NLGN1: variants seen among roughly 807,000 people sequenced by gnomAD.
NLGN1 encodes the protein neuroligin-1.
A neutral mutation model predicts 65.5 loss-of-function variants in NLGN1; 12 were observed. The observed-to-expected ratio is 0.18, with a 90% CI of 0.12 to 0.30. The LOEUF is 0.30. NLGN1 is among the 10% of genes least tolerant of loss of function. NLGN1 has a pLI of 1.00. For synonymous variants in NLGN1, 350 were observed against 359.5 expected (o/e 0.97, Z 0.30); for missense variants, 750 against 1,007.1 (o/e 0.74, Z 3.46).
At chr3:173,548,911 G>A (rs1321089648) in intron 2 of NLGN1, among the ~76,000 whole-genome samples, 5 of 151,850 alleles carry the variant, frequency 3.3e-5, no homozygotes, top group African/African-American at 1.2e-4. Flanking sequence ...AATAACTCAA[G>A]TATCTGGCCA....
intron 4 of NLGN1, among the ~76,000 whole-genome samples, chr3:173,909,860 T>C (rs1442461941): frequency 1.3e-5 from 2 of 152,100 alleles, no homozygotes; most frequent in Admixed American, 1.3e-4. Context: ...GTATTTTCAG[T>C]AGAGACGGGG....
At chr3:173,627,444 A>G (rs116076338) in intron 3 of NLGN1, among the ~76,000 whole-genome samples, 1,631 of 152,138 alleles carry the variant, frequency 0.011, 35 homozygotes, top group African/African-American at 0.037. Context: ...GTGTTTCTCA[A>G]TGCACACTTA....
At chr3:173,560,866 A>C (rs1577279329) in intron 2 of NLGN1, among the ~76,000 whole-genome samples, 1 of 152,208 alleles carries the variant, frequency 6.6e-6, no homozygotes, top group Non-Finnish European at 1.5e-5. Flanking sequence ...ACATATCTAT[A>C]TCTTTCTTTC....
chr3:173,579,824 TTAA>T (rs1401692336), intron 2 of NLGN1, among the ~76,000 whole-genome samples: 2 of 152,224 alleles, frequency 1.3e-5, no homozygotes, highest in Non-Finnish European at 2.9e-5. Flanking sequence ...TCTTGAGCAC[TTAA>T]TATGAGGTTA....
At chr3:174,068,315 C>A (rs1329309857) in intron 4 of NLGN1, among the ~76,000 whole-genome samples, 12 of 152,118 alleles carry the variant, frequency 7.9e-5, no homozygotes, top group Admixed American at 7.9e-4. Flanking sequence ...TCCCTTCCAG[C>A]CTGCAACCGT....
In NLGN1 at chr3:174,206,637, T is replaced by C. The variant is rs1735483341; in HGVS notation, c.647-68678T>C. Among the ~76,000 whole-genome samples the C allele has an allele frequency of 1.3e-5, 2 of 152,212 alleles. 1 individual carries two copies. The highest frequency in any genetic ancestry group is 1.3e-4 in the Admixed American group (2 of 15,282). ...GTTACCTCTCAGAGTCTCCCTCGGCTTGCTTTTCAGCTACCGGTAAAATAA... is the reference window on the plus strand; with the variant it reads ...GTTACCTCTCAGAGTCTCCCTCGGCCTGCTTTTCAGCTACCGGTAAAATAA... On this transcript the variant is annotated intron_variant, in intron 4 of 6. Transcript: ENST00000457714.
chr3:173,870,157 C>CATAATTATACATTATACATAATA lies in NLGN1; in HGVS notation c.646+62327_646+62328insAATTATACATTATACATAATAAT, dbSNP rs779141991. 2.0e-5 allele frequency among the ~76,000 whole-genome samples: 3 copies of CATAATTATACATTATACATAATA among 152,286 alleles called. No individual in the cohort carries two copies. In the Middle Eastern group the frequency reaches 0.01, roughly 522 times the overall value. On this transcript the variant is annotated intron_variant, in intron 4 of 6. Coordinates refer to ENST00000457714, the Ensembl canonical transcript of NLGN1. Reference sequence around the variant, plus strand: ...TGTGTCAAATAATGTAATTATTATACATGTAATGAATATACATGTTACCAT... The same window carrying CATAATTATACATTATACATAATA: ...TGTGTCAAATAATGTAATTATTATACATAATTATACATTATACATAATAATGTAATGAATATACATGTTACCAT...
intron 4 of NLGN1, among the ~76,000 whole-genome samples, chr3:174,181,352 G>C (rs1456299430): frequency 1.3e-5 from 2 of 151,978 alleles, no homozygotes; most frequent in South Asian, 2.1e-4. Flanking sequence ...ACTCATTGTG[G>C]GAGTTCTGTC....
At chr3:174,275,584 A>T in intron 5 of NLGN1, 57 bp downstream of exon 5, 1 of 997,572 alleles carries the variant, frequency 1.0e-6, no homozygotes, top group East Asian at 2.4e-5. Context: ...CACCACCATC[A>T]GTAGTATGTG....
chr3:173,495,020 A>G (rs1399134117), intron 2 of NLGN1, among the ~76,000 whole-genome samples: 3 of 151,800 alleles, frequency 2.0e-5, no homozygotes, highest in Non-Finnish European at 2.9e-5. Context: ...TAAGTTTTAT[A>G]AACAGCTTAT....
chr3:173,850,584 A>G (rs79557789), intron 4 of NLGN1, among the ~76,000 whole-genome samples: 3,285 of 152,196 alleles, frequency 0.022, 74 homozygotes, highest in African/African-American at 0.064. Context: ...ATTCCAAGTG[A>G]TTAGTGAATT....
chr3:173,723,762 T>C (rs1268582103), intron 3 of NLGN1, among the ~76,000 whole-genome samples: 3 of 152,150 alleles, frequency 2.0e-5, no homozygotes, highest in African/African-American at 7.2e-5. Flanking sequence ...ACTTAAAGAA[T>C]TACTTTTACT....
intron 4 of NLGN1, among the ~76,000 whole-genome samples, chr3:174,117,135 C>T (rs1230979740): frequency 2.6e-5 from 4 of 151,558 alleles, no homozygotes; most frequent in South Asian, 2.1e-4. Context: ...TTCAATGATA[C>T]TTAATATTTT....
chr3:173,813,301 C>T (rs773100963), intron 4 of NLGN1, among the ~76,000 whole-genome samples: 5 of 152,128 alleles, frequency 3.3e-5, no homozygotes, highest in Non-Finnish European at 5.9e-5. Flanking sequence ...ACAAAAGTCT[C>T]ATACTCCAAA....
intron 3 of NLGN1, among the ~76,000 whole-genome samples, chr3:173,731,098 A>G (rs1772766276): frequency 6.6e-6 from 1 of 152,100 alleles, no homozygotes; most frequent in African/African-American, 2.4e-5. Context: ...TCATTCACAT[A>G]GAGTCTTAGA....
chr3:173,817,160 C>T (rs1719192238), intron 4 of NLGN1, among the ~76,000 whole-genome samples: 1 of 152,124 alleles, frequency 6.6e-6, no homozygotes, highest in Non-Finnish European at 1.5e-5. Context: ...GGGTGAAAAC[C>T]AGAGGAAGGA....
At chr3:173,899,849 C>T (rs551605678) in intron 4 of NLGN1, among the ~76,000 whole-genome samples, 200 of 152,128 alleles carry the variant, frequency 1.3e-3, no homozygotes, top group African/African-American at 4.5e-3. Flanking sequence ...TGTTTTAATT[C>T]CTTTTCTTTA....
chr3:173,480,496 AAG>A (rs1158091708), intron 2 of NLGN1, among the ~76,000 whole-genome samples: 1 of 152,156 alleles, frequency 6.6e-6, no homozygotes, highest in Non-Finnish European at 1.5e-5. Flanking sequence ...AGAATATAAA[AAG>A]AGGAATAGAT....
In NLGN1 at chr3:174,034,897, TA is replaced by T. The variant is rs200538865; in HGVS notation, c.646+227073del. ...TTAAAAGACTGACTGTGAGGGTGGA[TA>T]AAAAAAAGACAAGACTTATGTGTTT... On this transcript the variant is annotated intron_variant, in intron 4 of 6. Coordinates refer to ENST00000457714, the Ensembl canonical transcript of NLGN1. Among the ~76,000 whole-genome samples, 39 of 151,926 alleles carry T rather than the reference TA, an allele frequency of 2.6e-4. 1 individual carries two copies. The East Asian group carries it at 6.4e-3, about 25-fold the overall frequency.
Sources: allele counts gnomAD v4.1 joint callset (sites outside exome capture counted in the v4.1 genomes callset), GRCh38; gene constraint gnomAD v4.1.1; transcripts MANE v1.5; gene names NCBI Gene and HGNC (gene_info 2026-07-23, HGNC 2026-07-21).